Variants in NCOA1 observed in about 807,000 individuals in gnomAD.
The protein encoded by NCOA1 is Hin-2 protein.
In NCOA1, 35 loss-of-function variants were observed where a neutral mutation model predicts 150.9. That is an observed-to-expected ratio of 0.23 (90% CI 0.18 to 0.31). The LOEUF is 0.31. Among genes scored for constraint, NCOA1 ranks in the 10% least tolerant of loss-of-function variants. The pLI, the probability that NCOA1 is intolerant of heterozygous loss-of-function variation, is 1.00. For synonymous variants in NCOA1, 590 were observed against 630.0 expected, an observed-to-expected ratio of 0.94 and a Z score of 0.95; for missense variants, 1,491 against 1,749.3, an observed-to-expected ratio of 0.85 and a Z score of 2.63.
intron 1 of NCOA1, among the ~76,000 whole-genome samples, chr2:24,507,104 G>A (rs1203112389): frequency 6.6e-6 from 1 of 152,124 alleles, no homozygotes; most frequent in East Asian, 1.9e-4. Flanking sequence ...GACGAAGACT[G>A]AACATAAAAT....
intron 7 of NCOA1, among the ~76,000 whole-genome samples, chr2:24,674,177 T>C (rs1403044714): frequency 6.7e-6 from 1 of 149,662 alleles, no homozygotes; most frequent in Non-Finnish European, 1.5e-5. Context: ...CTAGGTCTAA[T>C]TATATATACT....
chr2:24,706,880 C>T lies in NCOA1; in HGVS notation c.1410C>T (p.Asn470=). The change falls in exon 13 of 23, where the codon AAC becomes AAT. Residue 470 remains asparagine (N), a synonymous_variant. Transcript: ENST00000348332. ...CACAGAGCAGTAATCCCTCTTTAAA[C>T]CTCAATAATTCTCCTATGGAAGGTA... ...ASSQSSNPSL[N]LNNSPMEGTG... is the part of the protein sequence containing the mutation. The T allele has an allele frequency of 1.2e-6, 2 of 1,614,182 alleles. No individual in the cohort carries two copies. Among genetic ancestry groups the T allele is most frequent in the South Asian group, 1.1e-5 (1 of 91,086 alleles).
intron 10 of NCOA1, among the ~76,000 whole-genome samples, chr2:24,694,293 C>A (rs1365920355): frequency 6.6e-6 from 1 of 152,106 alleles, no homozygotes; most frequent in African/African-American, 2.4e-5. Context: ...TATGTTCATG[C>A]TTTTACGACA....
chr2:24,516,977 C>CATATACTTATATATACGTGTAT (rs1553422182), intron 1 of NCOA1, among the ~76,000 whole-genome samples: 2 of 58,968 alleles, frequency 3.4e-5, no homozygotes, highest in Non-Finnish European at 7.5e-5. Flanking sequence ...TATATATACA[C>CATATACTTATATATACGTGTAT]ATATACGTAT....
chr2:24,679,558 C>T (rs1355502984), intron 7 of NCOA1, among the ~76,000 whole-genome samples: 1 of 152,008 alleles, frequency 6.6e-6, no homozygotes, highest in Non-Finnish European at 1.5e-5. Flanking sequence ...TACACTGATG[C>T]AAAGAACATT....
At chr2:24,588,861 A>C (rs909084202) in intron 3 of NCOA1, among the ~76,000 whole-genome samples, 2 of 152,198 alleles carry the variant, frequency 1.3e-5, no homozygotes, top group African/African-American at 4.8e-5. Flanking sequence ...CTGTAGTAGG[A>C]TCACACCTTA....
chr2:24,550,177 C>T (rs1468846289), intron 1 of NCOA1, among the ~76,000 whole-genome samples: 1 of 152,198 alleles, frequency 6.6e-6, no homozygotes, highest in African/African-American at 2.4e-5. Context: ...ACATTTTCCT[C>T]TCTTCTTCTG....
At chr2:24,549,814 C>G (rs1012726838) in intron 1 of NCOA1, among the ~76,000 whole-genome samples, 1 of 152,304 alleles carries the variant, frequency 6.6e-6, no homozygotes, top group South Asian at 2.1e-4. Context: ...TTGTGATCCA[C>G]CCACCTCGGC....
chr2:24,576,051 A>G (rs1474116008), intron 2 of NCOA1, among the ~76,000 whole-genome samples: 1 of 151,276 alleles, frequency 6.6e-6, no homozygotes, highest in Non-Finnish European at 1.5e-5. Context: ...AGGACTTTAC[A>G]TGATACTTCA....
intron 17 of NCOA1, among the ~76,000 whole-genome samples, chr2:24,730,889 A>C (rs865882755): frequency 6.6e-6 from 1 of 150,854 alleles, no homozygotes; most frequent in East Asian, 1.9e-4. Flanking sequence ...AAAAAAAAAA[A>C]AAAACGGGCA....
chr2:24,684,785 C>G (rs1384549419), intron 8 of NCOA1, among the ~76,000 whole-genome samples: 1 of 152,166 alleles, frequency 6.6e-6, no homozygotes, highest in East Asian at 1.9e-4. Context: ...CCTAATCTTA[C>G]AGTGTTGGTT....
intron 4 of NCOA1, among the ~76,000 whole-genome samples, chr2:24,644,563 T>C (rs898781134): frequency 6.6e-6 from 1 of 152,208 alleles, no homozygotes; most frequent in Non-Finnish European, 1.5e-5. Context: ...AATTTATGTG[T>C]ATGTAGTGTC....
chr2:24,699,934 C>T (rs1572610358), intron 11 of NCOA1, among the ~76,000 whole-genome samples: 1 of 152,172 alleles, frequency 6.6e-6, no homozygotes, highest in Non-Finnish European at 1.5e-5. Context: ...CACCTGAGGT[C>T]GGGAGTTCAA....
chr2:24,677,032 T>G (rs1398398143), intron 7 of NCOA1, among the ~76,000 whole-genome samples: 4 of 152,194 alleles, frequency 2.6e-5, no homozygotes. Flanking sequence ...TAGTCAGTTT[T>G]CACACTGCTA....
intron 9 of NCOA1, 35 bp downstream of exon 9, chr2:24,691,695 C>A: frequency 6.3e-7 from 1 of 1,581,160 alleles, no homozygotes; most frequent in South Asian, 1.2e-5. Flanking sequence ...GTGTTTATTT[C>A]TTCTGTGACT....
At chr2:24,506,094 G>A (rs1051196899) in intron 1 of NCOA1, among the ~76,000 whole-genome samples, 2 of 151,914 alleles carry the variant, frequency 1.3e-5, no homozygotes, top group Non-Finnish European at 2.9e-5. Flanking sequence ...GAACTCATCA[G>A]TTGCCCAATT....
At chr2:24,639,922 A>ACG (rs1670116723) in intron 3 of NCOA1, among the ~76,000 whole-genome samples, 1 of 8,950 alleles carries the variant, frequency 1.1e-4, no homozygotes, top group Non-Finnish European at 2.1e-4. Flanking sequence ...GTGTGTATAT[A>ACG]TATATATATA....
intron 1 of NCOA1, among the ~76,000 whole-genome samples, chr2:24,559,857 A>G (rs1158817457): frequency 3.3e-5 from 5 of 152,120 alleles, no homozygotes; most frequent in Non-Finnish European, 5.9e-5. Context: ...GTGTTTGTCT[A>G]TCTGTTCCCC....
chr2:24,653,924 T>C (rs1179462580), intron 4 of NCOA1, among the ~76,000 whole-genome samples: 4 of 152,230 alleles, frequency 2.6e-5, no homozygotes, highest in Non-Finnish European at 4.4e-5. Context: ...CTTTTGTTTC[T>C]ACTTTTGTAG....
Sources: gnomAD v4.1 joint callset for allele counts (sites outside exome capture counted in the v4.1 genomes callset) on GRCh38, gnomAD v4.1.1 for gene constraint, MANE v1.5 for transcripts, NCBI Gene and HGNC (gene_info 2026-07-23, HGNC 2026-07-21) for gene names.